PPP2R2A: variants seen among roughly 807,000 people sequenced by gnomAD.
The protein encoded by PPP2R2A is serine/threonine-protein phosphatase 2A 55 kDa regulatory subunit B alpha isoform.
A neutral mutation model predicts 53.2 loss-of-function variants in PPP2R2A; 9 were observed. That is an observed-to-expected ratio of 0.17 (90% CI 0.10 to 0.30). The LOEUF (loss-of-function observed/expected upper bound fraction) is 0.30, where lower values mean the gene tolerates loss of function less well. Ranked by LOEUF, PPP2R2A falls within the 10% of genes least tolerant of loss-of-function variation. The pLI is 1.00. For missense variants in PPP2R2A, 235 were observed against 534.6 expected, an observed-to-expected ratio of 0.44 and a Z score of 5.53; for synonymous variants, 169 against 174.2, an observed-to-expected ratio of 0.97 and a Z score of 0.23.
intron 3 of PPP2R2A, among the ~76,000 whole-genome samples, chr8:26,352,829 G>T (rs888483257): frequency 6.6e-6 from 1 of 152,080 alleles, no homozygotes; most frequent in Admixed American, 6.6e-5. Context: ...CTCGCCCTTG[G>T]CCCTTCATAT....
At chr8:26,344,637 C>T (rs561649124) in intron 3 of PPP2R2A, among the ~76,000 whole-genome samples, 1 of 152,144 alleles carries the variant, frequency 6.6e-6, no homozygotes, top group Admixed American at 6.5e-5. Context: ...CTTGTTCAGC[C>T]TTTTAGCGTC....
In PPP2R2A at chr8:26,291,784, C is replaced by A. The variant is rs781345179; in HGVS notation, c.-36C>A. 6.3e-7 allele frequency: 1 copy of A among 1,595,942 alleles called. No homozygotes were observed. The highest frequency in any genetic ancestry group is 8.5e-7 in the Non-Finnish European group (1 of 1,172,348). ...GGGTGAGTTCAGGAAGCGGAGACCC[C>A]GAGGAACCCAGCAGGGTCACCATTT... On this transcript the variant is annotated 5_prime_UTR_variant, in exon 1 of 10. Coordinates refer to ENST00000380737, the MANE Select transcript of PPP2R2A (RefSeq NM_002717.4).
intron 8 of PPP2R2A, 147 bp downstream of exon 8, chr8:26,364,037 C>T (rs1657745071): frequency 4.8e-6 from 3 of 630,356 alleles, no homozygotes; most frequent in Non-Finnish European, 7.3e-6. Flanking sequence ...GTATGTTGCT[C>T]TTCCTTATGT....
At chr8:26,369,129 A>T (rs930919858) in intron 9 of PPP2R2A, among the ~76,000 whole-genome samples, 1 of 151,748 alleles carries the variant, frequency 6.6e-6, no homozygotes, top group Non-Finnish European at 1.5e-5. Flanking sequence ...AATTATACAC[A>T]CACACACACA....
intron 2 of PPP2R2A, among the ~76,000 whole-genome samples, chr8:26,318,773 T>A (rs1322850781): frequency 1.3e-5 from 2 of 152,224 alleles, no homozygotes; most frequent in African/African-American, 4.8e-5. Flanking sequence ...CCTGGATATT[T>A]GATAACATTA....
At chr8:26,341,666 G>A (rs1042809325) in intron 3 of PPP2R2A, among the ~76,000 whole-genome samples, 1 of 152,156 alleles carries the variant, frequency 6.6e-6, no homozygotes, top group Non-Finnish European at 1.5e-5. Context: ...ATGTTTCTTA[G>A]ACTCTGATGA....
rs1397353029 is a variant in PPP2R2A at position 26,362,386 on chromosome 8, T to G, written c.638-298T>G. Among the ~76,000 whole-genome samples, 2 of 151,258 alleles carry G rather than the reference T, an allele frequency of 1.3e-5. No homozygotes were observed. The highest frequency in any genetic ancestry group is 3.9e-4 in the East Asian group (2 of 5,136). On this transcript the variant is annotated intron_variant, in intron 6 of 9. Transcript: ENST00000380737. The surrounding 1 kb of genome is among the most constrained non-coding windows in gnomAD (Gnocchi z 4.4). The stretch of plus-strand genomic sequence containing the variant: ...CAGTTGTAGTGGTGTGCGCCTGTAA[T>G]CCCAGCTTTTCTGGAGACTGATGCA...
intron 9 of PPP2R2A, among the ~76,000 whole-genome samples, chr8:26,367,886 G>A (rs1805462215): frequency 6.6e-6 from 1 of 152,178 alleles, no homozygotes; most frequent in South Asian, 2.1e-4. Flanking sequence ...CCAGCATTTA[G>A]TTGTCATCTC....
rs1477891784 is a variant in PPP2R2A, at chr8:26,337,445, C to T, written c.83-1445C>T. Among the ~76,000 whole-genome samples, 3 of 152,300 alleles carry T rather than the reference C, an allele frequency of 2.0e-5. No individual in the cohort carries two copies. The East Asian group carries it at 5.8e-4, about 29-fold the overall frequency. ...GATTCAATATTTTTTGTCTGCTACTCTTTGCTCCTACTTAACTCCCCAGTT... is the reference window on the plus strand; with the variant it reads ...GATTCAATATTTTTTGTCTGCTACTTTTTGCTCCTACTTAACTCCCCAGTT... On this transcript the variant is annotated intron_variant, in intron 2 of 9. Coordinates refer to ENST00000380737, the MANE Select transcript of PPP2R2A (RefSeq NM_002717.4).
chr8:26,369,371 C>T (rs1408589103), intron 9 of PPP2R2A, among the ~76,000 whole-genome samples: 1 of 150,766 alleles, frequency 6.6e-6, no homozygotes, highest in African/African-American at 2.4e-5. Flanking sequence ...GGACTACAGG[C>T]ACGTGCCACT....
chr8:26,299,667 A>G (rs937752434), intron 2 of PPP2R2A, among the ~76,000 whole-genome samples: 4 of 151,970 alleles, frequency 2.6e-5, no homozygotes, highest in Admixed American at 2.0e-4. Flanking sequence ...TCCATTCCAT[A>G]TGTTTAATGC....
At chr8:26,359,394 C>T (rs999335032) in intron 4 of PPP2R2A, among the ~76,000 whole-genome samples, 11 of 152,190 alleles carry the variant, frequency 7.2e-5, no homozygotes, top group African/African-American at 1.4e-4. Flanking sequence ...TTTTGACACA[C>T]GTACCATGGT....
At chr8:26,355,686 A>G (rs1804742097) in intron 4 of PPP2R2A, among the ~76,000 whole-genome samples, 1 of 152,064 alleles carries the variant, frequency 6.6e-6, no homozygotes, top group South Asian at 2.1e-4. Context: ...AACATGGTGA[A>G]ACCGTGTCTC....
chr8:26,292,564 T>C (rs762941904), intron 1 of PPP2R2A: 14 of 574,134 alleles, frequency 2.4e-5, no homozygotes, highest in Non-Finnish European at 2.9e-5. Flanking sequence ...TTCAGAGATA[T>C]AAATAGCAAG....
intron 3 of PPP2R2A, among the ~76,000 whole-genome samples, chr8:26,351,024 ACATTTGTTAGAAGTATTTTT>A (rs972877526): frequency 1.3e-5 from 2 of 152,218 alleles, no homozygotes; most frequent in African/African-American, 4.8e-5. Context: ...GAAAACCCAC[ACATTTGTTAGAAGTATTTTT>A]CATTCTGTGA....
At position 26,292,441 on chromosome 8, in the gene PPP2R2A, T is replaced by A. The variant is rs1033850913; in HGVS notation, c.7+615T>A. On this transcript the variant is annotated intron_variant, in intron 1 of 9. Coordinates refer to ENST00000380737, the MANE Select transcript of PPP2R2A (RefSeq NM_002717.4). ...CCGCCGAAGAGTGCAAGGCCTTTCA[T>A]GTACAGCAAGTTGCATGAAAATAAT... The A allele has an allele frequency of 3.8e-5, 37 of 985,092 alleles. No individual in the cohort carries two copies. In the African/African-American group the frequency reaches 6.1e-4, roughly 16 times the overall value. 61.0% of individuals were successfully genotyped at this position (985,092 alleles called of 1,614,324 possible). A position where few individuals can be genotyped will look rare whatever the true frequency, so the allele number is the denominator to read the frequency against.
chr8:26,355,853 G>C (rs963885014), intron 4 of PPP2R2A, among the ~76,000 whole-genome samples: 3 of 138,318 alleles, frequency 2.2e-5, no homozygotes, highest in African/African-American at 5.5e-5. Context: ...CTGGGCAACA[G>C]AGCGAGACTC....
In PPP2R2A at chr8:26,363,210, T is replaced by TAA. The variant is rs57711660; in HGVS notation, c.802+380_802+381dup. On this transcript the variant is annotated intron_variant, in intron 7 of 9. Coordinates refer to ENST00000380737, the MANE Select transcript of PPP2R2A (RefSeq NM_002717.4). The stretch of plus-strand genomic sequence containing the variant: ...GATTTCTTCTGAGGTTTCCTTGGCT[T>TAA]AAAAAAAAAAAAAAAAAAACAACTT... 631 of 126,608 alleles carry TAA rather than the reference T, an allele frequency of 5.0e-3. 4 individuals carry two copies. Among genetic ancestry groups the TAA allele is most frequent in the South Asian group, 9.0e-3 (34 of 3,778 alleles). The allele number at this position is 126,608 out of a possible 1,614,324, so 7.8% of individuals were successfully genotyped here.
At chr8:26,323,234 C>G (rs1802930411) in intron 2 of PPP2R2A, among the ~76,000 whole-genome samples, 1 of 152,224 alleles carries the variant, frequency 6.6e-6, no homozygotes, top group Admixed American at 6.5e-5. Context: ...AATCTGCTGT[C>G]AGATCAATCT....
Sources: allele counts gnomAD v4.1 joint callset (sites outside exome capture counted in the v4.1 genomes callset), GRCh38; gene constraint gnomAD v4.1.1; non-coding constraint Gnocchi (gnomAD v3.1); transcripts MANE v1.5; gene names NCBI Gene and HGNC (gene_info 2026-07-23, HGNC 2026-07-21).